NALF1: variants seen among roughly 807,000 people sequenced by gnomAD.
The protein encoded by NALF1 is family with sequence similarity 155 member A.
In NALF1, 3 loss-of-function variants were observed where a neutral mutation model predicts 48.4. That is an observed-to-expected ratio of 0.06 (90% CI 0.03 to 0.16). The LOEUF (loss-of-function observed/expected upper bound fraction) is 0.16, where lower values mean the gene tolerates loss of function less well. Among genes scored for constraint, NALF1 ranks in the 10% least tolerant of loss-of-function variants. The pLI is 1.00. For synonymous variants in NALF1, 262 were observed against 245.7 expected, an observed-to-expected ratio of 1.07 and a Z score of -0.62; for missense variants, 526 against 571.5, an observed-to-expected ratio of 0.92 and a Z score of 0.81.
At chr13:107,774,940 T>C (rs568089591) in intron 1 of NALF1, among the ~76,000 whole-genome samples, 28 of 152,334 alleles carry the variant, frequency 1.8e-4, no homozygotes, top group East Asian at 1.4e-3. Context: ...ACTACAGTTA[T>C]AGATGTAAAT....
intron 1 of NALF1, among the ~76,000 whole-genome samples, chr13:107,435,486 G>A (rs1430753769): frequency 6.6e-6 from 1 of 152,042 alleles, no homozygotes; most frequent in East Asian, 1.9e-4. Context: ...GCTACTCCAG[G>A]ATTATATAGG....
chr13:107,608,596 G>C (rs567048302), intron 1 of NALF1, among the ~76,000 whole-genome samples: 1 of 152,144 alleles, frequency 6.6e-6, no homozygotes, highest in Non-Finnish European at 1.5e-5. Flanking sequence ...GGGTGGTTGG[G>C]GGAAGCCACA....
chr13:107,640,895 T>C (rs1048161321), intron 1 of NALF1, among the ~76,000 whole-genome samples: 2 of 152,144 alleles, frequency 1.3e-5, no homozygotes, highest in African/African-American at 4.8e-5. Context: ...ATACAACTTA[T>C]CTTTAAAAAG....
chr13:107,452,079 C>A (rs945433705), intron 1 of NALF1, among the ~76,000 whole-genome samples: 1 of 134,324 alleles, frequency 7.4e-6, no homozygotes, highest in Non-Finnish European at 1.6e-5. Flanking sequence ...TCTTTGACCT[C>A]ACTGAGGCTT....
intron 1 of NALF1, among the ~76,000 whole-genome samples, chr13:107,277,980 T>C (rs1881313625): frequency 6.6e-6 from 1 of 152,158 alleles, no homozygotes; most frequent in African/African-American, 2.4e-5. Context: ...GCTGCTTTAA[T>C]AATTAAGAGA....
chr13:107,551,839 A>G (rs897749998), intron 1 of NALF1, among the ~76,000 whole-genome samples: 1 of 152,116 alleles, frequency 6.6e-6, no homozygotes, highest in South Asian at 2.1e-4. Flanking sequence ...TATTTATTAC[A>G]CTAATCAGGT....
intron 1 of NALF1, among the ~76,000 whole-genome samples, chr13:107,236,156 C>T (rs539278819): frequency 6.6e-6 from 1 of 152,186 alleles, no homozygotes; most frequent in East Asian, 1.9e-4. Context: ...ACTGCGGTCC[C>T]TATGGCCTGC....
At chr13:107,810,078 A>G (rs1238614227) in intron 1 of NALF1, among the ~76,000 whole-genome samples, 3 of 152,024 alleles carry the variant, frequency 2.0e-5, no homozygotes, top group Admixed American at 6.6e-5. Context: ...AATTTTTCCT[A>G]GAAAGAAATT....
intron 1 of NALF1, among the ~76,000 whole-genome samples, chr13:107,729,684 G>T (rs1876254926): frequency 6.6e-6 from 1 of 152,056 alleles, no homozygotes; most frequent in Non-Finnish European, 1.5e-5. Context: ...TCACCATGTT[G>T]GTCAGGCTGA....
chr13:107,741,721 T>C (rs1422183710), intron 1 of NALF1, among the ~76,000 whole-genome samples: 3 of 152,288 alleles, frequency 2.0e-5, no homozygotes, highest in Non-Finnish European at 4.4e-5. Flanking sequence ...AGGACCCAGA[T>C]GGTACAATTA....
At chr13:107,695,138 C>G (rs377251230) in intron 1 of NALF1, among the ~76,000 whole-genome samples, 1 of 152,030 alleles carries the variant, frequency 6.6e-6, no homozygotes, top group South Asian at 2.1e-4. Context: ...CTAACTTGAA[C>G]GTTGAGGAAG....
intron 2 of NALF1, among the ~76,000 whole-genome samples, chr13:107,178,263 G>C (rs894991995): frequency 6.6e-6 from 1 of 152,128 alleles, no homozygotes; most frequent in African/African-American, 2.4e-5. Flanking sequence ...AAAACGAAGA[G>C]ACAGCCCACA....
At chr13:107,211,246 A>G (rs1879755329) in intron 1 of NALF1, among the ~76,000 whole-genome samples, 1 of 152,216 alleles carries the variant, frequency 6.6e-6, no homozygotes, top group Admixed American at 6.5e-5. Flanking sequence ...ACTGCTGTTT[A>G]GATCTTGGAC....
intron 1 of NALF1, among the ~76,000 whole-genome samples, chr13:107,350,197 C>A (rs962635735): frequency 6.6e-6 from 1 of 152,130 alleles, no homozygotes; most frequent in African/African-American, 2.4e-5. Flanking sequence ...GGGTTGGGGA[C>A]CCCTGCTGTA....
intron 1 of NALF1, among the ~76,000 whole-genome samples, chr13:107,674,029 C>A (rs1398055138): frequency 6.6e-6 from 1 of 151,994 alleles, no homozygotes; most frequent in Non-Finnish European, 1.5e-5. Context: ...TTATTACTGG[C>A]CCAAAGACAA....
In NALF1 at chr13:107,589,098, A is replaced by T. The variant is rs137887229; in HGVS notation, c.915+276584T>A. 2.0e-4 allele frequency among the ~76,000 whole-genome samples: 31 copies of T among 152,172 alleles called. 1 individual carries two copies. In the East Asian group the frequency reaches 5.8e-3, roughly 28 times the overall value. On this transcript the variant is annotated intron_variant, in intron 1 of 2. Coordinates refer to ENST00000375915, the MANE Select transcript of NALF1 (RefSeq NM_001080396.3). ...TTTATGGTTTTCCTTATTTTTGAGG[A>T]GTAGCGTATACAATGAATTCTCAAG...
At chr13:107,727,506 G>A (rs1286819441) in intron 1 of NALF1, among the ~76,000 whole-genome samples, 1 of 152,128 alleles carries the variant, frequency 6.6e-6, no homozygotes, top group Non-Finnish European at 1.5e-5. Context: ...GCTTCCTTGA[G>A]TCCAGCAGTG....
At chr13:107,327,920 A>C (rs9520388) in intron 1 of NALF1, among the ~76,000 whole-genome samples, 44,412 of 150,426 alleles carry the variant, frequency 0.3, 6,809 homozygotes, top group African/African-American at 0.33. Flanking sequence ...AAAGTGCTTT[A>C]CTTTTTCCTT....
At chr13:107,336,225 T>G (rs1297745607) in intron 1 of NALF1, among the ~76,000 whole-genome samples, 5 of 151,946 alleles carry the variant, frequency 3.3e-5, no homozygotes, top group African/African-American at 1.2e-4. Context: ...TGGTGGTGCA[T>G]GCCTGTAATC....
Sources: allele counts gnomAD v4.1 joint callset (sites outside exome capture counted in the v4.1 genomes callset), GRCh38; gene constraint gnomAD v4.1.1; transcripts MANE v1.5; gene names NCBI Gene and HGNC (gene_info 2026-07-23, HGNC 2026-07-21).